NAT16: variants seen among roughly 807,000 people sequenced by gnomAD.
NAT16 encodes the protein probable N-acetyltransferase 16.
NAT16 carries 16 observed loss-of-function variants against 15.9 expected under a neutral mutation model. The ratio of observed to expected loss-of-function variants is 1.01; its 90% CI spans 0.68 to 1.53. The LOEUF is 1.53. Among genes scored for constraint, NAT16 ranks in the 40% most tolerant of loss-of-function variants. The pLI, the probability that NAT16 is intolerant of heterozygous loss-of-function variation, is 0.00. For synonymous variants in NAT16, 260 were observed against 241.9 expected, an observed-to-expected ratio of 1.07 and a Z score of -0.69; for missense variants, 572 against 508.4, an observed-to-expected ratio of 1.13 and a Z score of -1.20.
chr7:101,179,150 G>A (rs1364195415), intron 1 of NAT16: 4 of 151,610 alleles, frequency 2.6e-5, no homozygotes, highest in East Asian at 2.0e-4. Context: ...GGGGAGGGAG[G>A]AGAGGGAGGG....
rs1407507806 is a variant in NAT16, at chr7:101,174,682, C to A, written c.126G>T (p.Ser42=). 1.6e-5 allele frequency: 26 copies of A among 1,613,916 alleles called. No homozygotes were observed. The highest frequency in any genetic ancestry group is 1.9e-5 in the Non-Finnish European group (23 of 1,180,012). Residue 42 remains serine, a synonymous_variant, in exon 2 of 4, where the codon TCG becomes TCT. Transcript: ENST00000300303. Reference sequence around the variant, plus strand: ...CGGCCTCAGCCTCAGGCCCCGATCCCGACCTGGGCTCGGCCTCCACCTCCT... The same window carrying A: ...CGGCCTCAGCCTCAGGCCCCGATCCAGACCTGGGCTCGGCCTCCACCTCCT... ...RPQEVEAEPR[S]GSGPEAEAEP...
intron 1 of NAT16, among the ~76,000 whole-genome samples, chr7:101,176,013 T>A (rs1797457392): frequency 6.6e-6 from 1 of 151,558 alleles, no homozygotes; most frequent in South Asian, 2.1e-4. Flanking sequence ...ACTCCCACTG[T>A]CACCCCTCTG....
At chr7:101,174,419 C>T (rs1584221684) in intron 2 of NAT16, 77 bp downstream of exon 2, 3 of 1,464,760 alleles carry the variant, frequency 2.0e-6, no homozygotes, top group Non-Finnish European at 2.7e-6. Context: ...GAGAAGCTCT[C>T]ATCCTCCTCT....
At chr7:101,173,198 A>G in intron 3 of NAT16, 98 bp downstream of exon 3, 1 of 1,116,418 alleles carries the variant, frequency 9.0e-7, no homozygotes, top group Non-Finnish European at 1.4e-6. Context: ...GGTAAAGCCC[A>G]GAGAGAGAGC....
Position 101,172,637 on chromosome 7 carries a change from G to T in NAT16, c.552C>A (p.Val184=). ...RLITKQGILL[V]RFNASALLAG... ...CCAGCAGCGCGGACGCGTTGAATCG[G>T]ACCAAAAGGATGCCCTGCGGGGGGC... The change falls in exon 4 of 4, where the codon GTC becomes GTA. Residue 184 remains valine, a synonymous_variant. Transcript: ENST00000300303. The surrounding 1 kb of genome is among the most constrained non-coding windows in gnomAD (Gnocchi z 4.2). 1 of 1,516,862 alleles carries T rather than the reference G, an allele frequency of 6.6e-7. No individual in the cohort carries two copies. Among genetic ancestry groups the T allele is most frequent in the South Asian group, 1.2e-5 (1 of 82,540 alleles). The allele number at this position is 1,516,862 out of a possible 1,614,324, so 94.0% of individuals were successfully genotyped here.
rs1797314956 is a variant in NAT16, at chr7:101,171,262, A to C, written c.*817T>G. The stretch of plus-strand genomic sequence containing the variant: ...CCTGCGAAATAGCAAAGTTGTGCAA[A>C]GCAGGAGGAAACCCCAGTGAGAGAG... On this transcript the variant is annotated 3_prime_UTR_variant, in exon 4 of 4. Transcript: ENST00000300303. The C allele has an allele frequency of 6.6e-6, 1 of 152,502 alleles. No individual in the cohort carries two copies. Among genetic ancestry groups the C allele is most frequent in the African/African-American group, 2.4e-5 (1 of 41,466 alleles). 9.4% of individuals were successfully genotyped at this position (152,502 alleles called of 1,614,324 possible).
At chr7:101,174,867 G>C (rs773473684) in intron 1 of NAT16, 56 bp from the exon 2 acceptor site, 31 of 1,499,296 alleles carry the variant, frequency 2.1e-5, no homozygotes, top group Non-Finnish European at 2.7e-5. Flanking sequence ...TCCACATCTG[G>C]GCCCCTGCAC....
chr7:101,175,726 A>C (rs1244098702), intron 1 of NAT16, among the ~76,000 whole-genome samples: 1 of 152,086 alleles, frequency 6.6e-6, no homozygotes, highest in African/African-American at 2.4e-5. Flanking sequence ...CATGGAGTTT[A>C]AGAACAGCCT....
rs1242525342 is a variant in NAT16 at position 101,172,589 on chromosome 7, C to T, written c.600G>A (p.Ala200=). 1 of 1,527,590 alleles carries T rather than the reference C, an allele frequency of 6.5e-7. No individual in the cohort carries two copies. The highest frequency in any genetic ancestry group is 2.0e-5 in the Admixed American group (1 of 49,864). 94.6% of individuals were successfully genotyped at this position (1,527,590 alleles called of 1,614,324 possible). ...ALLAGLGARL[A]ALRTSGTFSP... ...AGAAGGTGCCAGAGGTCCGCAGCGC[C>T]GCCAGCCGCGCGCCCAGCCCGGCCA... The change falls in exon 4 of 4, where the codon GCG becomes GCA. Residue 200 remains alanine, a synonymous_variant. Transcript: ENST00000300303. This position sits in a 1 kb window ranked among gnomAD's most constrained non-coding sequence, Gnocchi z 4.2.
chr7:101,178,064 CT>C (rs1403431824), intron 1 of NAT16, among the ~76,000 whole-genome samples: 1 of 152,222 alleles, frequency 6.6e-6, no homozygotes, highest in African/African-American at 2.4e-5. Context: ...AACCGGTAGA[CT>C]GGAACCCACC....
intron 2 of NAT16, 97 bp from the exon 3 acceptor site, chr7:101,173,617 T>C: frequency 8.8e-7 from 1 of 1,134,632 alleles, no homozygotes; most frequent in Non-Finnish European, 1.2e-6. Context: ...CGCTGAGCAC[T>C]CCGCGTCACC....
chr7:101,173,625 A>G, intron 2 of NAT16, 105 bp from the exon 3 acceptor site: 2 of 1,065,040 alleles, frequency 1.9e-6, no homozygotes, highest in East Asian at 5.4e-5. Context: ...ACTCCGCGTC[A>G]CCACCCGGGC....
At position 101,172,481 on chromosome 7, in the gene NAT16, C is replaced by T; in HGVS notation, c.708G>A (p.Val236=). The T allele has an allele frequency of 6.3e-7, 1 of 1,599,004 alleles. No homozygotes were observed. The highest frequency in any genetic ancestry group is 8.5e-7 in the Non-Finnish European group (1 of 1,177,146). Residue 236 remains valine (V), a synonymous_variant, in exon 4 of 4, where the codon GTG becomes GTA. Coordinates refer to ENST00000300303, the MANE Select transcript of NAT16 (RefSeq NM_198571.3). The surrounding 1 kb of genome is among the most constrained non-coding windows in gnomAD (Gnocchi z 4.2). ...LLLSPSVQRD[V]LPGGTIIQDW... is the part of the protein sequence containing the mutation. ...CCTGGATGATGGTCCCGCCTGGAAG[C>T]ACGTCGCGCTGCACGGAGGGTGACA...
chr7:101,174,873 T>C, intron 1 of NAT16, 62 bp from the exon 2 acceptor site: 1 of 1,495,572 alleles, frequency 6.7e-7, no homozygotes, highest in South Asian at 1.4e-5. Context: ...TCTGGGCCCC[T>C]GCACACAAAC....
rs1797307903 is a variant in NAT16, at chr7:101,171,032, A to AGGG, written c.*1044_*1046dup. The AGGG allele has an allele frequency of 6.6e-6, 1 of 152,270 alleles. No homozygotes were observed. The highest frequency in any genetic ancestry group is 2.4e-5 in the African/African-American group (1 of 41,464). The allele number at this position is 152,270 out of a possible 1,614,324, so 9.4% of individuals were successfully genotyped here. ...CTAAAAGCATAAATGATCCAGAGAA[A>AGGG]GGGAGTGGTGTCCAGAAATACCAGG... On this transcript the variant is annotated 3_prime_UTR_variant, in exon 4 of 4. Coordinates refer to ENST00000300303, the MANE Select transcript of NAT16 (RefSeq NM_198571.3).
At position 101,171,113 on chromosome 7, in the gene NAT16, C is replaced by T. The variant is rs574420948; in HGVS notation, c.*966G>A. Reference sequence around the variant, plus strand: ...GCCTGGTTGGAACCAGGAGACAGCCCCTATGCCAGGCTGAGGGACCCGCCC... The same window carrying T: ...GCCTGGTTGGAACCAGGAGACAGCCTCTATGCCAGGCTGAGGGACCCGCCC... On this transcript the variant is annotated 3_prime_UTR_variant, in exon 4 of 4. Transcript: ENST00000300303. 3 of 152,390 alleles carry T rather than the reference C, an allele frequency of 2.0e-5. No individual in the cohort carries two copies. The highest frequency in any genetic ancestry group is 2.0e-4 in the Admixed American group (3 of 15,280). The allele number at this position is 152,390 out of a possible 1,614,324, so 9.4% of individuals were successfully genotyped here. A position where few individuals can be genotyped will look rare whatever the true frequency, so the allele number is the denominator to read the frequency against.
rs779143038 is a variant in NAT16, at chr7:101,174,482, G to T, written c.312+14C>A. 2 of 1,601,178 alleles carry T rather than the reference G, an allele frequency of 1.2e-6. No individual in the cohort carries two copies. The highest frequency in any genetic ancestry group is 1.7e-6 in the Non-Finnish European group (2 of 1,174,530). ...CTTCACCCCATGTCACCTGGGCCGT[G>T]CCCCCGGGCTCACCACGCCTCCGTT... On this transcript the variant is annotated intron_variant, in intron 2 of 3. Coordinates refer to ENST00000300303, the MANE Select transcript of NAT16 (RefSeq NM_198571.3).
Position 101,174,640 on chromosome 7 carries a change from C to G in NAT16, c.168G>C (p.Val56=). 3 of 1,614,184 alleles carry G rather than the reference C, an allele frequency of 1.9e-6. No individual in the cohort carries two copies. Among genetic ancestry groups the G allele is most frequent in the Non-Finnish European group, 1.7e-6 (2 of 1,180,042 alleles). The change falls in exon 2 of 4, where the codon GTG becomes GTC. Residue 56 remains valine (V), a synonymous_variant. Coordinates refer to ENST00000300303, the MANE Select transcript of NAT16 (RefSeq NM_198571.3). The part of the protein sequence containing the change: ...PEAEAEPLDF[V]VATEREFEEV... ...CCTCAAACTCCCGTTCCGTGGCCAC[C>G]ACGAAGTCCAATGGCTCGGCCTCAG...
rs937497830 is a variant in NAT16, at chr7:101,175,656, G to A, written c.-4-845C>T. 2.6e-5 allele frequency among the ~76,000 whole-genome samples: 4 copies of A among 151,928 alleles called. No homozygotes were observed. In the South Asian group the frequency reaches 8.3e-4, roughly 31 times the overall value. On this transcript the variant is annotated intron_variant, in intron 1 of 3. Transcript: ENST00000300303. ...AAAAAAGAAGAAGAAGGCTGGACAC[G>A]GAAACTCATGCCTGTACTCCCAGCA...
Sources: allele counts gnomAD v4.1 joint callset (sites outside exome capture counted in the v4.1 genomes callset), GRCh38; gene constraint gnomAD v4.1.1; non-coding constraint Gnocchi (gnomAD v3.1); transcripts MANE v1.5; gene names NCBI Gene and HGNC (gene_info 2026-07-23, HGNC 2026-07-21).